Variants in DCX observed in about 807,000 individuals in gnomAD.
DCX encodes the protein neuronal migration protein doublecortin.
Under a neutral mutation model 20.9 loss-of-function variants are expected in DCX, and 4 were observed. That is an observed-to-expected ratio of 0.19 (90% confidence interval 0.09 to 0.44). The LOEUF is 0.44. DCX is among the 20% of genes least tolerant of loss of function. DCX has a pLI of 0.99. For missense variants in DCX, 133 were observed against 296.9 expected (o/e 0.45, Z 4.06); for synonymous variants, 103 against 111.4 (o/e 0.92, Z 0.47).
intron 5 of DCX, among the ~76,000 whole-genome samples, chrX:111,314,458 G>A (rs1199439541): frequency 8.9e-6 from 1 of 111,856 alleles, no homozygotes; most frequent in African/African-American, 3.2e-5. Flanking sequence ...ACAAGAGGAG[G>A]CAACACCTGA....
chrX:111,300,496 T>C lies in DCX; in HGVS notation c.*1191A>G, dbSNP rs1318127226. On this transcript the variant is annotated 3_prime_UTR_variant, in exon 7 of 7. Coordinates refer to ENST00000636035, the MANE Select transcript of DCX (RefSeq NM_001195553.2). ...TTGAAATTATTAATGCAAGCATAACTGTTAAAAAGCTATCAAAAAACTGAT... is the reference window on the plus strand; with the variant it reads ...TTGAAATTATTAATGCAAGCATAACCGTTAAAAAGCTATCAAAAAACTGAT... 7 of 112,701 alleles carry C rather than the reference T, an allele frequency of 6.2e-5. No individual in the cohort carries two copies. Among genetic ancestry groups the C allele is most frequent in the Non-Finnish European group, 9.4e-5 (5 of 53,337 alleles). The allele number at this position is 112,701 out of a possible 1,213,427, so 9.3% of individuals were successfully genotyped here.
intron 3 of DCX, among the ~76,000 whole-genome samples, chrX:111,369,966 G>T (rs939377664): frequency 9.0e-6 from 1 of 111,608 alleles, no homozygotes; most frequent in Non-Finnish European, 1.9e-5. Context: ...CTTTGAGCCA[G>T]GCACTGCACT....
intron 3 of DCX, among the ~76,000 whole-genome samples, chrX:111,373,231 A>G (rs1241993798): frequency 2.7e-5 from 3 of 112,157 alleles, no homozygotes; most frequent in East Asian, 2.8e-4. Flanking sequence ...CTGACCTTTT[A>G]TCATTATCCT....
intron 3 of DCX, among the ~76,000 whole-genome samples, chrX:111,369,204 C>A (rs1264402310): frequency 3.6e-5 from 4 of 110,819 alleles, no homozygotes; most frequent in Non-Finnish European, 7.6e-5. Flanking sequence ...GTGAGTCTGC[C>A]TTTCCTAGCC....
At chrX:111,368,972 G>T (rs1372771605) in intron 3 of DCX, among the ~76,000 whole-genome samples, 1 of 107,584 alleles carries the variant, frequency 9.3e-6, no homozygotes, top group Non-Finnish European at 1.9e-5. Context: ...TGATCACAAG[G>T]TTCCACAATA....
At chrX:111,332,539 T>C (rs1439324579) in intron 4 of DCX, among the ~76,000 whole-genome samples, 1 of 111,810 alleles carries the variant, frequency 8.9e-6, no homozygotes, top group Non-Finnish European at 1.9e-5. Context: ...TAGATCCTTC[T>C]TATTATTAAC....
At chrX:111,339,388 C>T (rs1199196465) in intron 3 of DCX, among the ~76,000 whole-genome samples, 1 of 110,476 alleles carries the variant, frequency 9.1e-6, no homozygotes, top group Non-Finnish European at 1.9e-5. Context: ...GAACTGATGG[C>T]TTTTATAAGA....
chrX:111,401,092 C>T lies in DCX; in HGVS notation c.603G>A (p.Lys201=). ...CTTGCTCAAAAGAGTGGGCTGTCTT[C>T]TTGTTCAGAAGCACACGCACAGCCT... The part of the protein sequence containing the change: ...PRKAVRVLLN[K]KTAHSFEQVL... The change falls in exon 3 of 7, where the codon AAG becomes AAA. Residue 201 remains lysine (K), a synonymous_variant. Coordinates refer to ENST00000636035, the MANE Select transcript of DCX (RefSeq NM_001195553.2). 5 of 1,211,629 alleles carry T rather than the reference C, an allele frequency of 4.1e-6. No homozygotes were observed. Among genetic ancestry groups the T allele is most frequent in the Non-Finnish European group, 4.5e-6 (4 of 895,508 alleles).
chrX:111,369,968 C>G (rs1187859079), intron 3 of DCX, among the ~76,000 whole-genome samples: 1 of 111,647 alleles, frequency 9.0e-6, no homozygotes, highest in Non-Finnish European at 1.9e-5. Flanking sequence ...TTGAGCCAGG[C>G]ACTGCACTAG....
chrX:111,323,603 GTTTTTTTTTTTT>G (rs780794851), intron 5 of DCX, among the ~76,000 whole-genome samples: 1 of 52,179 alleles, frequency 1.9e-5, no homozygotes, highest in Non-Finnish European at 3.6e-5. Context: ...TATTATTTCT[GTTTTTTTTTTTT>G]TTTTTTTTTT....
At chrX:111,382,400 C>T (rs1226694100) in intron 3 of DCX, among the ~76,000 whole-genome samples, 2 of 112,109 alleles carry the variant, frequency 1.8e-5, no homozygotes, top group African/African-American at 6.5e-5. Context: ...TTCTGATGCA[C>T]AGCCATGTTT....
At chrX:111,357,627 A>T (rs1156981820) in intron 3 of DCX, among the ~76,000 whole-genome samples, 3 of 109,466 alleles carry the variant, frequency 2.7e-5, no homozygotes, top group Admixed American at 1.9e-4. Context: ...AGAAAAATTT[A>T]AAAAATTACA....
chrX:111,330,956 A>G lies in DCX; in HGVS notation c.894T>C (p.Pro298=). Residue 298 remains proline (P), a synonymous_variant, in exon 5 of 7, where the codon CCT becomes CCC. Transcript: ENST00000636035. ...PTPQKTSAKS[P]GPMRRSKSPA... is the part of the protein sequence containing the mutation. ...GAGACTTGCTTCGGCGCATAGGACCAGGGCTCTTGGCTGAAGTCTTCTGAG... is the reference window on the plus strand; with the variant it reads ...GAGACTTGCTTCGGCGCATAGGACCGGGGCTCTTGGCTGAAGTCTTCTGAG... 2 of 1,212,175 alleles carry G rather than the reference A, an allele frequency of 1.6e-6. No homozygotes were observed. The highest frequency in any genetic ancestry group is 2.2e-6 in the Non-Finnish European group (2 of 895,557).
Position 111,371,933 on chromosome X carries a change from TACACACAC to T in DCX, c.705+29049_705+29056del, listed in dbSNP as rs56304092. Among the ~76,000 whole-genome samples, 661 of 97,445 alleles carry T rather than the reference TACACACAC, an allele frequency of 6.8e-3. 3 individuals are homozygous for T. The highest frequency in any genetic ancestry group is 0.021 in the Middle Eastern group (4 of 195). 84.6% of individuals were successfully genotyped at this position (97,445 alleles called of 115,157 possible). On this transcript the variant is annotated intron_variant, in intron 3 of 6. Transcript: ENST00000636035. ...ATACAGTATTATATAGATATATGTGTACACACACACACACACACACACACACACACACA... is the reference window on the plus strand; with the variant it reads ...ATACAGTATTATATAGATATATGTGTACACACACACACACACACACACACA...
chrX:111,374,706 C>A (rs1384959327), intron 3 of DCX, among the ~76,000 whole-genome samples: 1 of 109,889 alleles, frequency 9.1e-6, no homozygotes, highest in Non-Finnish European at 1.9e-5. Context: ...AGTAGCATAC[C>A]CTGTGGTGGC....
chrX:111,301,757 A>G lies in DCX; in HGVS notation c.1045-14T>C, dbSNP rs770619738. On this transcript the variant is annotated splice_polypyrimidine_tract_variant and intron_variant, in intron 6 of 6. Coordinates refer to ENST00000636035, the MANE Select transcript of DCX (RefSeq NM_001195553.2). ...CAGGTACAGGTCCTATAAGAAGAGA[A>G]GAGACAAAGTTAATTTTCCTTTTCT... 39 of 1,205,264 alleles carry G rather than the reference A, an allele frequency of 3.2e-5. No homozygotes were observed. The highest frequency in any genetic ancestry group is 4.4e-5 in the Non-Finnish European group (39 of 891,090).
intron 3 of DCX, among the ~76,000 whole-genome samples, chrX:111,334,768 T>C (rs1921567023): frequency 8.9e-6 from 1 of 111,965 alleles, no homozygotes; most frequent in Non-Finnish European, 1.9e-5. Context: ...GGCCATGACT[T>C]CATGGAGCTC....
chrX:111,330,359 G>T (rs1921103683), intron 5 of DCX, among the ~76,000 whole-genome samples: 1 of 111,986 alleles, frequency 8.9e-6, no homozygotes. Flanking sequence ...TTTTCTTTTA[G>T]AACCTGGTCT....
intron 3 of DCX, among the ~76,000 whole-genome samples, chrX:111,385,135 C>G (rs768943625): frequency 8.9e-6 from 1 of 112,377 alleles, no homozygotes; most frequent in Admixed American, 9.4e-5. Context: ...CTGGCCTGCC[C>G]TGGATTTGCC....
Sources: gnomAD v4.1 joint callset for allele counts (sites outside exome capture counted in the v4.1 genomes callset) on GRCh38, gnomAD v4.1.1 for gene constraint, MANE v1.5 for transcripts, NCBI Gene and HGNC (gene_info 2026-07-23, HGNC 2026-07-21) for gene names.